LBX2: variants seen among roughly 807,000 people sequenced by gnomAD.
The protein encoded by LBX2 is ladybird homeobox 2, also known as transcription factor LBX2.
In LBX2, 6 loss-of-function variants were observed where a neutral mutation model predicts 7.5. The observed-to-expected ratio is 0.80, with a 90% CI of 0.44 to 1.59. The LOEUF (loss-of-function observed/expected upper bound fraction) is 1.59, where lower values mean the gene tolerates loss of function less well. LBX2 is among the 40% of genes most tolerant of loss of function. LBX2 has a pLI of 0.01. For synonymous variants in LBX2, 143 were observed against 133.2 expected, an observed-to-expected ratio of 1.07 and a Z score of -0.51; for missense variants, 281 against 282.0, an observed-to-expected ratio of 1.00 and a Z score of 0.03.
chr2:74,502,757 C>A, upstream of LBX2: 1 of 1,614,032 alleles, frequency 6.2e-7, no homozygotes, highest in Non-Finnish European at 8.5e-7. This position sits in a 1 kb window ranked among gnomAD's most constrained non-coding sequence, Gnocchi z 5.4. Context: ...CCCGGGCGTG[C>A]GGGCCGGGAA....
At chr2:74,501,117 A>G, upstream of LBX2, among the ~76,000 whole-genome samples, 1 of 151,976 alleles carries the variant, frequency 6.6e-6, no homozygotes, top group African/African-American at 2.4e-5. Context: ...TCACTCCAAC[A>G]ACCCCCCTCC....
chr2:74,502,504 T>C, upstream of LBX2: 1 of 680,152 alleles, frequency 1.5e-6, no homozygotes, highest in East Asian at 2.8e-5. The surrounding 1 kb of genome is among the most constrained non-coding windows in gnomAD (Gnocchi z 5.4). Flanking sequence ...TTAGGAAACG[T>C]CCGTGAACCG....
chr2:74,500,376 T>G (rs1020729096), upstream of LBX2, among the ~76,000 whole-genome samples: 21 of 152,032 alleles, frequency 1.4e-4, no homozygotes, highest in Non-Finnish European at 2.2e-4. Context: ...ATTTTGTCTG[T>G]CTTTATCTTC....
Position 74,499,193 on chromosome 2 carries a change from G to C in LBX2, c.205+140C>G, listed in dbSNP as rs1674430840. 2 of 749,602 alleles carry C rather than the reference G, an allele frequency of 2.7e-6. No homozygotes were observed. The highest frequency in any genetic ancestry group is 3.5e-5 in the African/African-American group (2 of 56,886). 46.4% of individuals were successfully genotyped at this position (749,602 alleles called of 1,614,324 possible). ...AGGAGAGGTGAGAAGTCGCAGGTGC[G>C]AGTCCTGGCACGTGGGCTGAGGACA... On this transcript the variant is annotated intron_variant, in intron 1 of 1. Transcript: ENST00000377566. The surrounding 1 kb of genome is among the most constrained non-coding windows in gnomAD (Gnocchi z 4.6).
Position 74,499,257 on chromosome 2 carries a change from G to A in LBX2, c.205+76C>T, listed in dbSNP as rs912258221. 3 of 1,356,832 alleles carry A rather than the reference G, an allele frequency of 2.2e-6. No homozygotes were observed. Among genetic ancestry groups the A allele is most frequent in the Non-Finnish European group, 3.1e-6 (3 of 975,180 alleles). The allele number at this position is 1,356,832 out of a possible 1,614,324, so 84.0% of individuals were successfully genotyped here. On this transcript the variant is annotated intron_variant, in intron 1 of 1. Transcript: ENST00000377566. The surrounding 1 kb of genome is among the most constrained non-coding windows in gnomAD (Gnocchi z 4.6). ...GTGGGTGGCCTGGGCTGGGACAAAG[G>A]TTTGAGACGGGGAACCAGGAGGAGA...
Position 74,499,427 on chromosome 2 carries a change from C to A in LBX2, c.111G>T (p.Ser37=). The A allele has an allele frequency of 6.4e-7, 1 of 1,550,614 alleles. No individual in the cohort carries two copies. Among genetic ancestry groups the A allele is most frequent in the Non-Finnish European group, 8.7e-7 (1 of 1,146,988 alleles). ...RAPSAPQLPE[S]GPGPTSPLCA... The stretch of plus-strand genomic sequence containing the variant: ...ACAGCGGCGACGTTGGACCCGGACC[C>A]GACTCTGGAAGCTGCGGCGCAGAGG... Residue 37 remains serine (S), a synonymous_variant, in exon 1 of 2, where the codon TCG becomes TCT. Coordinates refer to ENST00000377566, the MANE Select transcript of LBX2 (RefSeq NM_001282430.2). The surrounding 1 kb of genome is among the most constrained non-coding windows in gnomAD (Gnocchi z 4.6).
upstream of LBX2, chr2:74,502,772 C>G: frequency 6.2e-7 from 1 of 1,614,074 alleles, no homozygotes; most frequent in Non-Finnish European, 8.5e-7. The surrounding 1 kb of genome is among the most constrained non-coding windows in gnomAD (Gnocchi z 5.4). Flanking sequence ...CGGGAAGCAG[C>G]CAGCGGTGGG....
Position 74,497,850 on chromosome 2 carries a change from T to C in LBX2, c.*77A>G. 7.0e-7 allele frequency: 1 copy of C among 1,431,886 alleles called. No homozygotes were observed. Among genetic ancestry groups the C allele is most frequent in the Non-Finnish European group, 9.2e-7 (1 of 1,081,924 alleles). 88.7% of individuals were successfully genotyped at this position (1,431,886 alleles called of 1,614,324 possible). A position where few individuals can be genotyped will look rare whatever the true frequency, so the allele number is the denominator to read the frequency against. ...CCAAGTGGACCTCCTTCCTCCACCC[T>C]GGAACTCTGGCCAGAGGCAGAGCGC... On this transcript the variant is annotated 3_prime_UTR_variant, in exon 2 of 2. Coordinates refer to ENST00000377566, the MANE Select transcript of LBX2 (RefSeq NM_001282430.2).
upstream of LBX2, chr2:74,502,446 T>G: frequency 1.8e-6 from 1 of 569,288 alleles, no homozygotes; most frequent in South Asian, 2.2e-5. The surrounding 1 kb of genome is among the most constrained non-coding windows in gnomAD (Gnocchi z 5.4). Context: ...CTTGGGGAGG[T>G]GGACAAGGAC....
chr2:74,499,294 A>G lies in LBX2; in HGVS notation c.205+39T>C, dbSNP rs932175434. 6.6e-7 allele frequency: 1 copy of G among 1,514,650 alleles called. No individual in the cohort carries two copies. The highest frequency in any genetic ancestry group is 2.5e-5 in the East Asian group (1 of 40,674). 93.8% of individuals were successfully genotyped at this position (1,514,650 alleles called of 1,614,324 possible). A position where few individuals can be genotyped will look rare whatever the true frequency, so the allele number is the denominator to read the frequency against. On this transcript the variant is annotated intron_variant, in intron 1 of 1. Transcript: ENST00000377566. This position sits in a 1 kb window ranked among gnomAD's most constrained non-coding sequence, Gnocchi z 4.6. ...GAACCAGGAGGAGAGAGGTGAGGAA[A>G]AGGCTAAGTCAGAGTCCGCGACCTT...
chr2:74,501,009 G>T (rs1314630056), upstream of LBX2, among the ~76,000 whole-genome samples: 1 of 152,172 alleles, frequency 6.6e-6, no homozygotes, highest in Non-Finnish European at 1.5e-5. Flanking sequence ...TGCAATTGGG[G>T]TTCCCTAAAC....
rs1020354019 is a variant in LBX2 at position 74,499,129 on chromosome 2, C to T, written c.205+204G>A. 8.3e-6 allele frequency: 5 copies of T among 602,304 alleles called. No homozygotes were observed. Among genetic ancestry groups the T allele is most frequent in the African/African-American group, 3.7e-5 (2 of 53,914 alleles). The allele number at this position is 602,304 out of a possible 1,614,324, so 37.3% of individuals were successfully genotyped here. ...GTCTGCCCTTTTCCCTTGGCACTGGCGGCCTTCCGGAGCCGCCGCGGAACC... is the reference window on the plus strand; with the variant it reads ...GTCTGCCCTTTTCCCTTGGCACTGGTGGCCTTCCGGAGCCGCCGCGGAACC... On this transcript the variant is annotated intron_variant, in intron 1 of 1. Coordinates refer to ENST00000377566, the MANE Select transcript of LBX2 (RefSeq NM_001282430.2). This position sits in a 1 kb window ranked among gnomAD's most constrained non-coding sequence, Gnocchi z 4.6.
chr2:74,502,574 G>T, upstream of LBX2: 4 of 1,275,086 alleles, frequency 3.1e-6, no homozygotes, highest in Non-Finnish European at 3.3e-6. This position sits in a 1 kb window ranked among gnomAD's most constrained non-coding sequence, Gnocchi z 5.4. Flanking sequence ...GTGAGGCGGG[G>T]CTTCCGTCCG....
rs199798817 is a variant in LBX2 at position 74,497,976 on chromosome 2, G to C, written c.548C>G (p.Pro183Arg). 142 of 1,604,266 alleles carry C rather than the reference G, an allele frequency of 8.9e-5. No homozygotes were observed. The East Asian group carries it at 2.2e-3, about 25-fold the overall frequency. The change falls in exon 2 of 2, where the codon CCT (proline) becomes CGT (arginine). Residue 183 changes from proline (P) to arginine (R), a missense_variant. By Grantham distance (103) the Pro-to-Arg change is moderately radical. Transcript: ENST00000377566. The part of the protein sequence containing the change: ...DPGLCLGPAG[P>R]DSRPHLSDEE... ...GTCTGACAGGTGGGGCCGGGAGTCA[G>C]GGCCGGCAGGGCCGAGGCAGAGGCC...
At chr2:74,501,579 C>T (rs995600470), upstream of LBX2, 1 of 152,296 alleles carries the variant, frequency 6.6e-6, no homozygotes, top group East Asian at 1.9e-4. Context: ...GTTCTCCCCT[C>T]TGCAGCTGGG....
upstream of LBX2, chr2:74,502,623 C>A: frequency 1.3e-6 from 2 of 1,573,904 alleles, no homozygotes; most frequent in Non-Finnish European, 1.7e-6. The surrounding 1 kb of genome is among the most constrained non-coding windows in gnomAD (Gnocchi z 5.4). Context: ...TTTCAGAAAG[C>A]GCTACTGCGG....
Position 74,499,597 on chromosome 2 carries a change from C to G in LBX2, c.-60G>C. On this transcript the variant is annotated 5_prime_UTR_variant, in exon 1 of 2. Transcript: ENST00000377566. The surrounding 1 kb of genome is among the most constrained non-coding windows in gnomAD (Gnocchi z 4.6). ...GCGCTAGGCTCCGCAAACGCCTGGG[C>G]CCCAGTGCTCGGCTCCCAATCCGGG... 1 of 1,489,804 alleles carries G rather than the reference C, an allele frequency of 6.7e-7. No homozygotes were observed. The highest frequency in any genetic ancestry group is 9.0e-7 in the Non-Finnish European group (1 of 1,107,880). 92.3% of individuals were successfully genotyped at this position (1,489,804 alleles called of 1,614,324 possible). A position where few individuals can be genotyped will look rare whatever the true frequency, so the allele number is the denominator to read the frequency against.
upstream of LBX2, chr2:74,502,674 G>T (rs1674520051): frequency 1.2e-6 from 2 of 1,613,836 alleles, no homozygotes; most frequent in African/African-American, 2.7e-5. The surrounding 1 kb of genome is among the most constrained non-coding windows in gnomAD (Gnocchi z 5.4). Flanking sequence ...GACTTTGGGG[G>T]CGGCAGGCCT....
upstream of LBX2, chr2:74,499,667 G>T: frequency 1.0e-6 from 1 of 953,502 alleles, no homozygotes. This position sits in a 1 kb window ranked among gnomAD's most constrained non-coding sequence, Gnocchi z 4.6. Flanking sequence ...CGAGTCCCGT[G>T]TGCCCCTCCT....
Sources: gnomAD v4.1 joint callset for allele counts (sites outside exome capture counted in the v4.1 genomes callset) on GRCh38, gnomAD v4.1.1 for gene constraint, Gnocchi (gnomAD v3.1) non-coding constraint, MANE v1.5 for transcripts, NCBI Gene and HGNC (gene_info 2026-07-23, HGNC 2026-07-21) for gene names.